Variants in CHSY3 observed in about 807,000 individuals in gnomAD.
The protein encoded by CHSY3 is N-acetylgalactosaminyl-proteoglycan 3-beta-glucuronosyltransferase 3.
A neutral mutation model predicts 67.2 loss-of-function variants in CHSY3; 35 were observed. The observed-to-expected ratio is 0.52, with a 90% CI of 0.40 to 0.69. The LOEUF (loss-of-function observed/expected upper bound fraction) is 0.69. CHSY3 is among the 30% of genes least tolerant of loss of function. CHSY3 has a pLI of 0.00. For missense variants in CHSY3, 1,069 were observed against 1,138.5 expected, an observed-to-expected ratio of 0.94 and a Z score of 0.88; for synonymous variants, 474 against 434.7, an observed-to-expected ratio of 1.09 and a Z score of -1.12.
chr5:130,057,718 T>C (rs1273191462), intron 2 of CHSY3, among the ~76,000 whole-genome samples: 2 of 152,186 alleles, frequency 1.3e-5, no homozygotes, highest in African/African-American at 4.8e-5. Flanking sequence ...CTCCATACCT[T>C]CTCCAGTAGT....
chr5:130,088,243 T>C (rs1766730691), intron 2 of CHSY3, among the ~76,000 whole-genome samples: 1 of 151,978 alleles, frequency 6.6e-6, no homozygotes, highest in African/African-American at 2.4e-5. Context: ...ACTTAAACGT[T>C]AGACCTAAAA....
At chr5:130,053,789 A>G (rs551526214) in intron 2 of CHSY3, among the ~76,000 whole-genome samples, 5 of 152,318 alleles carry the variant, frequency 3.3e-5, no homozygotes, top group South Asian at 2.1e-4. Context: ...GATAGAAATC[A>G]TGAAAATAAA....
chr5:130,185,567 G>C lies in CHSY3; in HGVS notation c.2425G>C (p.Asp809His). 6.2e-7 allele frequency: 1 copy of C among 1,614,102 alleles called. No individual in the cohort carries two copies. Among genetic ancestry groups the C allele is most frequent in the South Asian group, 1.1e-5 (1 of 91,084 alleles). Residue 809 changes from aspartate (D) to histidine (H), a missense_variant, in exon 3 of 3, where the codon GAT (aspartate) becomes CAT (histidine). By Grantham distance (81) the Asp-to-His change is moderately conservative (BLOSUM62 -1). This residue lies in a region of CHSY3 where 139 missense variants were observed against 152.8 expected (regional missense o/e 0.91). Transcript: ENST00000305031. ...SIQGWGLEDVDLYNKVILSGL... is the reference protein window; with the variant it reads ...SIQGWGLEDVHLYNKVILSGL... ...ACAAGGCTGGGGACTAGAAGATGTAGATCTCTACAATAAAGTCATTCTATC... is the reference window on the plus strand; with the variant it reads ...ACAAGGCTGGGGACTAGAAGATGTACATCTCTACAATAAAGTCATTCTATC...
chr5:130,138,190 G>A (rs1768729299), intron 2 of CHSY3, among the ~76,000 whole-genome samples: 1 of 152,182 alleles, frequency 6.6e-6, no homozygotes, highest in Admixed American at 6.5e-5. Flanking sequence ...TCCTTGGGCA[G>A]AAGTGTGGAG....
At chr5:129,919,201 G>T (rs1398269311) in intron 2 of CHSY3, among the ~76,000 whole-genome samples, 1 of 148,946 alleles carries the variant, frequency 6.7e-6, no homozygotes, top group East Asian at 2.0e-4. Context: ...TATACACATT[G>T]AAGGTCTTAT....
chr5:129,958,916 A>G (rs759004427), intron 2 of CHSY3, among the ~76,000 whole-genome samples: 1 of 152,086 alleles, frequency 6.6e-6, no homozygotes, highest in Non-Finnish European at 1.5e-5. Context: ...ATTGGTAAAT[A>G]TTAATCCCTA....
At chr5:130,063,264 A>G (rs1404710388) in intron 2 of CHSY3, among the ~76,000 whole-genome samples, 1 of 152,120 alleles carries the variant, frequency 6.6e-6, no homozygotes, top group Non-Finnish European at 1.5e-5. Flanking sequence ...AATGAAGAAA[A>G]AAATAAAGGA....
rs1770367492 is a variant in CHSY3, at chr5:130,184,903, T to C, written c.1761T>C (p.Ile587=). 1.9e-6 allele frequency: 3 copies of C among 1,544,748 alleles called. No homozygotes were observed. The highest frequency in any genetic ancestry group is 1.8e-6 in the Non-Finnish European group (2 of 1,116,780). The change falls in exon 3 of 3, where the codon ATT becomes ATC. Residue 587 remains isoleucine, a synonymous_variant. Transcript: ENST00000305031. ...ATGTCAACAGTCTTGTGGAGAGTATTAACAGTGAAACTCAGTCATTCTCCT... is the reference window on the plus strand; with the variant it reads ...ATGTCAACAGTCTTGTGGAGAGTATCAACAGTGAAACTCAGTCATTCTCCT... ...ELDVNSLVES[I]NSETQSFSFI...
intron 2 of CHSY3, among the ~76,000 whole-genome samples, chr5:130,022,686 C>T (rs1432784968): frequency 6.6e-6 from 1 of 151,868 alleles, no homozygotes; most frequent in Non-Finnish European, 1.5e-5. Context: ...AATGATTTTA[C>T]ATTTAACAGT....
chr5:130,135,329 A>G (rs140191622), intron 2 of CHSY3, among the ~76,000 whole-genome samples: 99 of 151,950 alleles, frequency 6.5e-4, no homozygotes, highest in Non-Finnish European at 1.3e-3. Context: ...CTTTCACTCA[A>G]TCACATCTCT....
chr5:130,059,876 G>T (rs1285892107), intron 2 of CHSY3, among the ~76,000 whole-genome samples: 2 of 151,790 alleles, frequency 1.3e-5, no homozygotes, highest in Non-Finnish European at 1.5e-5. Context: ...CTATCTTAAG[G>T]TATAATAAAA....
intron 2 of CHSY3, among the ~76,000 whole-genome samples, chr5:129,954,361 C>T (rs1283968955): frequency 6.6e-6 from 1 of 151,962 alleles, no homozygotes; most frequent in Non-Finnish European, 1.5e-5. Context: ...GTACCAGTAC[C>T]ATGCTGTTTT....
intron 2 of CHSY3, among the ~76,000 whole-genome samples, chr5:130,145,633 A>G (rs1769050664): frequency 6.6e-6 from 1 of 152,244 alleles, no homozygotes; most frequent in South Asian, 2.1e-4. Flanking sequence ...GCTTTTGCAC[A>G]GCAAAGGAAA....
intron 2 of CHSY3, among the ~76,000 whole-genome samples, chr5:130,160,543 G>T (rs1489125928): frequency 1.3e-5 from 2 of 152,146 alleles, no homozygotes; most frequent in Admixed American, 6.5e-5. Flanking sequence ...CACCTACTCT[G>T]TGCTTTCCTG....
chr5:130,042,763 T>C (rs1432805932), intron 2 of CHSY3, among the ~76,000 whole-genome samples: 2 of 152,114 alleles, frequency 1.3e-5, no homozygotes, highest in Non-Finnish European at 2.9e-5. Context: ...ACTCTTCATA[T>C]AGGAAATAAA....
intron 2 of CHSY3, among the ~76,000 whole-genome samples, chr5:129,999,172 A>C (rs1763644681): frequency 6.7e-6 from 1 of 149,182 alleles, no homozygotes; most frequent in Admixed American, 6.7e-5. Context: ...TCCCAACACT[A>C]ATTGTTGAAT....
intron 2 of CHSY3, among the ~76,000 whole-genome samples, chr5:130,180,760 T>C (rs2149737200): frequency 1.3e-5 from 2 of 152,094 alleles, no homozygotes; most frequent in East Asian, 3.9e-4. Context: ...GAGGCTGAGG[T>C]GGGAGGATTG....
In CHSY3 at chr5:130,118,459, CAT is replaced by C. The variant is rs994596620; in HGVS notation, c.1087-65766_1087-65765del. ...CTGTCTATATATACACACACACACA[CAT>C]ATACACATACATATATATAATGTAT... On this transcript the variant is annotated intron_variant, in intron 2 of 2. Transcript: ENST00000305031. Among the ~76,000 whole-genome samples, 102 of 151,158 alleles carry C rather than the reference CAT, an allele frequency of 6.7e-4. 1 individual carries two copies. The highest frequency in any genetic ancestry group is 1.8e-3 in the African/African-American group (72 of 41,094).
At chr5:130,150,677 A>G (rs1403079965) in intron 2 of CHSY3, among the ~76,000 whole-genome samples, 1 of 152,182 alleles carries the variant, frequency 6.6e-6, no homozygotes, top group Non-Finnish European at 1.5e-5. Context: ...CTTTTATGTT[A>G]AGTGTGCTAA....
Sources: gnomAD v4.1 joint callset for allele counts (sites outside exome capture counted in the v4.1 genomes callset) on GRCh38, gnomAD v4.1.1 for gene constraint, gnomAD v4.1.1 regional missense constraint, MANE v1.5 for transcripts, NCBI Gene and HGNC (gene_info 2026-07-23, HGNC 2026-07-21) for gene names.